The following TSBP1 variants were observed in gnomAD, a reference collection of about 807,000 sequenced individuals.
TSBP1 encodes testis-expressed basic protein 1.
TSBP1 carries 56 observed loss-of-function variants against 68.8 expected under a neutral mutation model. The ratio of observed to expected loss-of-function variants is 0.81; its 90% CI spans 0.66 to 1.02. The LOEUF (loss-of-function observed/expected upper bound fraction) is 1.02. Among genes scored for constraint, TSBP1 ranks in the 50% least tolerant of loss-of-function variants. TSBP1 has a pLI of 0.00. For missense variants in TSBP1, 502 were observed against 641.2 expected (o/e 0.78, Z 2.34); for synonymous variants, 171 against 208.7 (o/e 0.82, Z 1.56).
chr6:32,313,605 G>C (rs879885466), intron 19 of TSBP1, among the ~76,000 whole-genome samples: 1 of 151,982 alleles, frequency 6.6e-6, no homozygotes, highest in Non-Finnish European at 1.5e-5. Context: ...TTTTCTCATA[G>C]ATTTCATAAC....
chr6:32,331,092 A>G (rs143645796), intron 15 of TSBP1, among the ~76,000 whole-genome samples: 3 of 152,236 alleles, frequency 2.0e-5, no homozygotes, highest in Non-Finnish European at 4.4e-5. Flanking sequence ...TAGCCTCTCC[A>G]TAAGAACCAG....
rs1407333431 is a variant in TSBP1, at chr6:32,316,088, G to C, written c.560-296C>G. Among the ~76,000 whole-genome samples the C allele has an allele frequency of 2.0e-5, 3 of 152,126 alleles. No individual in the cohort carries two copies. The highest frequency in any genetic ancestry group is 7.2e-5 in the African/African-American group (3 of 41,412). ...CGGGTAGAGACTGCCATATCTTTCT[G>C]TTTCCTTTGAATAGCATTATAATGT... On this transcript the variant is annotated intron_variant, in intron 18 of 22. Transcript: ENST00000612031. The surrounding 1 kb of genome is among the most constrained non-coding windows in gnomAD (Gnocchi z 4.5).
chr6:32,295,143 C>T (rs1413290821), intron 22 of TSBP1, among the ~76,000 whole-genome samples: 1 of 152,032 alleles, frequency 6.6e-6, no homozygotes, highest in Non-Finnish European at 1.5e-5. Flanking sequence ...GGAGACCAGC[C>T]TGGCCAACAT....
intron 19 of TSBP1, among the ~76,000 whole-genome samples, chr6:32,303,586 T>C (rs779797897): frequency 6.6e-6 from 1 of 152,090 alleles, no homozygotes; most frequent in Non-Finnish European, 1.5e-5. Context: ...GTAGATAGGA[T>C]ATAGTTAGGT....
In TSBP1 at chr6:32,365,798, C is replaced by T. The variant is rs1280130863; in HGVS notation, c.217+369G>A. On this transcript the variant is annotated intron_variant, in intron 6 of 22. Transcript: ENST00000612031. The surrounding 1 kb of genome is among the most constrained non-coding windows in gnomAD (Gnocchi z 4.3). ...GTTCTAGGATTTTATAACCTGACAG[C>T]GTGCTGGAACTTCTCTGCTGGACTC... 2.7e-5 allele frequency: 11 copies of T among 404,436 alleles called. No individual in the cohort carries two copies. The highest frequency in any genetic ancestry group is 4.1e-5 in the African/African-American group (2 of 48,336). The allele number at this position is 404,436 out of a possible 1,614,324, so 25.1% of individuals were successfully genotyped here.
rs926896694 is a variant in TSBP1 at position 32,330,745 on chromosome 6, A to T, written c.494-136T>A. 5.8e-6 allele frequency: 6 copies of T among 1,032,414 alleles called. No homozygotes were observed. In the African/African-American group the frequency reaches 9.9e-5, roughly 17 times the overall value. The allele number at this position is 1,032,414 out of a possible 1,614,324, so 64.0% of individuals were successfully genotyped here. A position where few individuals can be genotyped will look rare whatever the true frequency, so the allele number is the denominator to read the frequency against. ...GAGTGTGGTAGGGTGATCTTGGCTC[A>T]CTGCAACCTCCACCTTCTGGGTTCA... is the stretch of plus-strand genomic sequence containing the variant. On this transcript the variant is annotated intron_variant, in intron 15 of 22. Coordinates refer to ENST00000612031, the Ensembl canonical transcript of TSBP1.
chr6:32,366,101 T>G (rs181825257), intron 6 of TSBP1, 66 bp downstream of exon 6: 2 of 1,594,996 alleles, frequency 1.3e-6, no homozygotes, highest in East Asian at 4.5e-5. Context: ...TTTATAGCCT[T>G]TTATGTTGTG....
At chr6:32,362,169 G>A (rs1461690185) in intron 6 of TSBP1, among the ~76,000 whole-genome samples, 1 of 151,726 alleles carries the variant, frequency 6.6e-6, no homozygotes, top group Non-Finnish European at 1.5e-5. Flanking sequence ...GGCGCCTGTA[G>A]TCCCAGCAAC....
chr6:32,293,624 T>G, exon 23 of TSBP1: 1 of 1,613,074 alleles, frequency 6.2e-7, no homozygotes, highest in Non-Finnish European at 8.5e-7. Context: ...TACTTGGGCT[T>G]CTTGTCCTTT....
chr6:32,314,706 T>G lies in TSBP1; in HGVS notation c.580+1066A>C, dbSNP rs933361436. On this transcript the variant is annotated intron_variant, in intron 19 of 22. Transcript: ENST00000612031. The surrounding 1 kb of genome is among the most constrained non-coding windows in gnomAD (Gnocchi z 4.2). ...TGAAATTAATAAAATGTTGTTATTA[T>G]GAAAACTATATCCAGAGTGTGTTTA... is the stretch of plus-strand genomic sequence containing the variant. Among the ~76,000 whole-genome samples the G allele has an allele frequency of 2.0e-5, 3 of 152,210 alleles. No homozygotes were observed. The highest frequency in any genetic ancestry group is 4.4e-5 in the Non-Finnish European group (3 of 68,040).
At chr6:32,323,765 C>T (rs742697) in intron 16 of TSBP1, 151 bp from the exon 18 acceptor site, 467,928 of 671,712 alleles carry the variant, frequency 0.7, 164,257 homozygotes, top group Middle Eastern at 0.81. Context: ...CAGCAGAATG[C>T]GAACTTTCAA....
In TSBP1 at chr6:32,325,657, A is replaced by C. The variant is rs510181; in HGVS notation, c.515-2043T>G. ...ACCGAGGCAGTTGCAAGAAAAGGGGATTTGCCTTTGTAACCTTTGATGACC... is the reference window on the plus strand; with the variant it reads ...ACCGAGGCAGTTGCAAGAAAAGGGGCTTTGCCTTTGTAACCTTTGATGACC... On this transcript the variant is annotated intron_variant, in intron 16 of 22. Coordinates refer to ENST00000612031, the Ensembl canonical transcript of TSBP1. The surrounding 1 kb of genome is among the most constrained non-coding windows in gnomAD (Gnocchi z 4.4). The C allele has an allele frequency of 0.45, 475,189 of 1,048,172 alleles. 111,406 individuals are homozygous for C. Among genetic ancestry groups the C allele is most frequent in the Middle Eastern group, 0.58 (2,059 of 3,530 alleles). The allele number at this position is 1,048,172 out of a possible 1,614,324, so 64.9% of individuals were successfully genotyped here. A position where few individuals can be genotyped will look rare whatever the true frequency, so the allele number is the denominator to read the frequency against.
rs142922774 is a variant in TSBP1, at chr6:32,334,975, A to G, written c.472+462T>C. On this transcript the variant is annotated intron_variant, in intron 14 of 22. Transcript: ENST00000612031. ...CTTGAACCCACGAGGTGGAGCTTGCAGTGAGTGGAGATCATGCCACTGCAC... is the reference window on the plus strand; with the variant it reads ...CTTGAACCCACGAGGTGGAGCTTGCGGTGAGTGGAGATCATGCCACTGCAC... 2.5e-3 allele frequency among the ~76,000 whole-genome samples: 381 copies of G among 152,352 alleles called. 7 individuals are homozygous for G. The highest frequency in any genetic ancestry group is 0.024 in the East Asian group (124 of 5,192).
exon 10 of TSBP1, chr6:32,339,606 G>A: frequency 7.8e-7 from 1 of 1,280,032 alleles, no homozygotes; most frequent in Non-Finnish European, 1.1e-6. Context: ...TTACAAGGAG[G>A]TTCTTCAGTT....
intron 16 of TSBP1, among the ~76,000 whole-genome samples, chr6:32,327,668 T>C (rs1583055999): frequency 1.4e-5 from 1 of 73,458 alleles, no homozygotes; most frequent in East Asian, 4.3e-4. Flanking sequence ...TTTTTTTTCT[T>C]TTTGAGACAG....
At chr6:32,349,598 T>C in intron 9 of TSBP1, 142 bp downstream of exon 9, 1 of 616,568 alleles carries the variant, frequency 1.6e-6, no homozygotes, top group Non-Finnish European at 2.9e-6. Context: ...TGTCTGGTTA[T>C]GGAGAACAAA....
At position 32,365,382 on chromosome 6, in the gene TSBP1, C is replaced by T. The variant is rs1024674950; in HGVS notation, c.217+785G>A. On this transcript the variant is annotated intron_variant, in intron 6 of 22. Transcript: ENST00000612031. This position sits in a 1 kb window ranked among gnomAD's most constrained non-coding sequence, Gnocchi z 4.3. ...TTGTCCATGGTGGCTCATTTGGGGA[C>T]TCAGCCTAGATGGGAGAGTGAAATG... 1 of 457,286 alleles carries T rather than the reference C, an allele frequency of 2.2e-6. No individual in the cohort carries two copies. The highest frequency in any genetic ancestry group is 6.9e-5 in the East Asian group (1 of 14,394). The allele number at this position is 457,286 out of a possible 1,614,324, so 28.3% of individuals were successfully genotyped here.
Position 32,309,605 on chromosome 6 carries a change from T to G in TSBP1, c.580+6167A>C, listed in dbSNP as rs1289178424. On this transcript the variant is annotated intron_variant, in intron 19 of 22. Coordinates refer to ENST00000612031, the Ensembl canonical transcript of TSBP1. ...TGTATTCTTTTTAAAATTTTTTTATTTTTAATTTTTATGGGTATATAGTAG... is the reference window on the plus strand; with the variant it reads ...TGTATTCTTTTTAAAATTTTTTTATGTTTAATTTTTATGGGTATATAGTAG... Among the ~76,000 whole-genome samples the G allele has an allele frequency of 7.2e-5, 11 of 152,174 alleles. No individual in the cohort carries two copies. In the East Asian group the frequency reaches 2.1e-3, roughly 29 times the overall value.
chr6:32,336,010 A>G lies in TSBP1; in HGVS notation c.431-78T>C. On this transcript the variant is annotated intron_variant, in intron 12 of 22. Transcript: ENST00000612031. The surrounding 1 kb of genome is among the most constrained non-coding windows in gnomAD (Gnocchi z 5.2). ...GTGAAGGAAATTTCCATTTCCCAAC[A>G]CTCGCTCTAGGGAGTATCATAAATA... 1 of 1,211,156 alleles carries G rather than the reference A, an allele frequency of 8.3e-7. No individual in the cohort carries two copies. Among genetic ancestry groups the G allele is most frequent in the Non-Finnish European group, 1.2e-6 (1 of 825,676 alleles). The allele number at this position is 1,211,156 out of a possible 1,614,324, so 75.0% of individuals were successfully genotyped here.
Sources: gnomAD v4.1 joint callset for allele counts (sites outside exome capture counted in the v4.1 genomes callset) on GRCh38, gnomAD v4.1.1 for gene constraint, Gnocchi (gnomAD v3.1) non-coding constraint, MANE v1.5 for transcripts, NCBI Gene and HGNC (gene_info 2026-07-23, HGNC 2026-07-21) for gene names.